The following KIF20B variants were observed in gnomAD, a reference collection of about 807,000 sequenced individuals.
KIF20B encodes kinesin-like protein KIF20B.
KIF20B carries 188 observed loss-of-function variants against 232.5 expected under a neutral mutation model. The ratio of observed to expected loss-of-function variants is 0.81; its 90% CI spans 0.72 to 0.91. The LOEUF (loss-of-function observed/expected upper bound fraction) is 0.91, where lower values mean the gene tolerates loss of function less well. Among genes scored for constraint, KIF20B ranks in the 40% least tolerant of loss-of-function variants. KIF20B has a pLI of 0.00. For synonymous variants in KIF20B, 712 were observed against 683.0 expected, an observed-to-expected ratio of 1.04 and a Z score of -0.66; for missense variants, 2,154 against 2,055.9, an observed-to-expected ratio of 1.05 and a Z score of -0.92.
Position 89,709,385 on chromosome 10 carries a change from A to G in KIF20B, c.275A>G (p.Lys92Arg), listed in dbSNP as rs756898969. ...HILDSQTVVL[K>R]EPQCILGRLS... ...CTGGATTCACAGACTGTTGTGCTGA[A>G]AGAGCCTCAATGCATCCTTGGTCGG... Residue 92 changes from lysine to arginine, a missense_variant, in exon 4 of 33, where the codon AAA becomes AGA. By Grantham distance (26) the Lys-to-Arg change is conservative. Transcript: ENST00000371728. 1 of 1,613,632 alleles carries G rather than the reference A, an allele frequency of 6.2e-7. No individual in the cohort carries two copies. The highest frequency in any genetic ancestry group is 1.3e-5 in the African/African-American group (1 of 75,042).
In KIF20B at chr10:89,715,187, A is replaced by G; in HGVS notation, c.940+5A>G. 6.5e-7 allele frequency: 1 copy of G among 1,532,320 alleles called. No individual in the cohort carries two copies. Among genetic ancestry groups the G allele is most frequent in the Admixed American group, 1.8e-5 (1 of 55,212 alleles). The allele number at this position is 1,532,320 out of a possible 1,614,324, so 94.9% of individuals were successfully genotyped here. On this transcript the variant is annotated splice_donor_5th_base_variant and intron_variant, in intron 8 of 32. Coordinates refer to ENST00000371728, the MANE Select transcript of KIF20B (RefSeq NM_001284259.2). Reference sequence around the variant, plus strand: ...AGGGCTATTCTTTTATAAAAGGTATACTAATGAATATTTTTATCTTATTGC... The same window carrying G: ...AGGGCTATTCTTTTATAAAAGGTATGCTAATGAATATTTTTATCTTATTGC...
At chr10:89,757,952 G>T (rs1029097061) in intron 26 of KIF20B, among the ~76,000 whole-genome samples, 1 of 151,088 alleles carries the variant, frequency 6.6e-6, no homozygotes. Flanking sequence ...TTTGTAGATC[G>T]TCTCTTCTGT....
intron 31 of KIF20B, among the ~76,000 whole-genome samples, chr10:89,771,852 A>T (rs1842470060): frequency 6.6e-6 from 1 of 151,930 alleles, no homozygotes; most frequent in Non-Finnish European, 1.5e-5. Context: ...GGTGGGTAGG[A>T]GCTGGTGCTT....
intron 23 of KIF20B, among the ~76,000 whole-genome samples, chr10:89,746,815 G>C (rs1321708463): frequency 7.8e-6 from 1 of 128,740 alleles, no homozygotes; most frequent in Non-Finnish European, 1.6e-5. Context: ...AAATTCTGAA[G>C]GGAAGTGAGG....
intron 18 of KIF20B, among the ~76,000 whole-genome samples, chr10:89,729,677 GTTTA>G (rs1843275937): frequency 1.3e-5 from 2 of 152,082 alleles, no homozygotes; most frequent in Admixed American, 1.3e-4. Context: ...TGTTGCTATT[GTTTA>G]TATGCTTAAT....
At position 89,768,301 on chromosome 10, in the gene KIF20B, A is replaced by G; in HGVS notation, c.5001A>G (p.Lys1667=). The change falls in exon 30 of 33, where the codon AAA becomes AAG. Residue 1667 remains lysine, a synonymous_variant. Transcript: ENST00000371728. The part of the protein sequence containing the change: ...KSNEMEEDLV[K]CENKKNATPR... ...TTCATTATTTTTAGGACTTGGTGAA[A>G]TGTGAAAATAAGAAGAATGCTACAC... The G allele has an allele frequency of 6.4e-7, 1 of 1,554,126 alleles. No individual in the cohort carries two copies. The highest frequency in any genetic ancestry group is 8.8e-7 in the Non-Finnish European group (1 of 1,139,786).
chr10:89,744,321 G>A (rs150783809), intron 22 of KIF20B, among the ~76,000 whole-genome samples: 1 of 151,948 alleles, frequency 6.6e-6, no homozygotes, highest in Admixed American at 6.6e-5. Flanking sequence ...GACTCTTCAC[G>A]AAAAAACATT....
At chr10:89,729,516 C>T (rs75064392) in intron 18 of KIF20B, among the ~76,000 whole-genome samples, 3,681 of 152,234 alleles carry the variant, frequency 0.024, 143 homozygotes, top group African/African-American at 0.084. Context: ...AGCCTTTGGA[C>T]GTTTAAGCCT....
chr10:89,757,040 G>GTGTGTGTATA lies in KIF20B; in HGVS notation c.4504-1665_4504-1664insGTGTGTATAT, dbSNP rs1301847520. Among the ~76,000 whole-genome samples, 311 of 110,714 alleles carry GTGTGTGTATA rather than the reference G, an allele frequency of 2.8e-3. 2 individuals carry two copies. Among genetic ancestry groups the GTGTGTGTATA allele is most frequent in the African/African-American group, 7.6e-3 (228 of 29,918 alleles). The allele number at this position is 110,714 out of a possible 152,430, so 72.6% of individuals were successfully genotyped here. A position where few individuals can be genotyped will look rare whatever the true frequency, so the allele number is the denominator to read the frequency against. On this transcript the variant is annotated intron_variant, in intron 26 of 32. Transcript: ENST00000371728. ...ATCTCTGTTGTGTGTGTGTGTGTGTGTATATATATATATATATATATATAT... is the reference window on the plus strand; with the variant it reads ...ATCTCTGTTGTGTGTGTGTGTGTGTGTGTGTGTATATATATATATATATATATATATATAT...
At position 89,705,437 on chromosome 10, in the gene KIF20B, C is replaced by A. The variant is rs1842702774; in HGVS notation, c.143C>A (p.Thr48Asn). ...GAATTTTCCTTAGTTGCTCCAAATA[C>A]TGAGGTAAGTACAAGAAAAGTATTG... is the stretch of plus-strand genomic sequence containing the variant. ...SHEFSLVAPNTEANSFESKDY... is the reference protein window; with the variant it reads ...SHEFSLVAPNNEANSFESKDY... Residue 48 changes from threonine (T) to asparagine (N), a missense_variant, in exon 2 of 33, where the codon ACT (threonine) becomes AAT (asparagine). Thr to Asn is a moderately conservative substitution (Grantham distance 65). Transcript: ENST00000371728. 1 of 1,613,606 alleles carries A rather than the reference C, an allele frequency of 6.2e-7. No homozygotes were observed. The highest frequency in any genetic ancestry group is 1.7e-5 in the Admixed American group (1 of 59,972).
chr10:89,750,735 A>G (rs1258499344), intron 23 of KIF20B, among the ~76,000 whole-genome samples: 2 of 152,168 alleles, frequency 1.3e-5, no homozygotes, highest in African/African-American at 4.8e-5. Flanking sequence ...TGCTGTAGTC[A>G]TTCTTCAAGG....
intron 23 of KIF20B, 118 bp from the exon 24 acceptor site, chr10:89,751,228 A>G: frequency 1.3e-6 from 1 of 783,510 alleles, no homozygotes; most frequent in South Asian, 1.9e-5. Flanking sequence ...GTTTCTGTCT[A>G]TATGGAACTA....
rs1397005058 is a variant in KIF20B, at chr10:89,711,030, T to C, written c.560T>C (p.Leu187Pro). 1.2e-6 allele frequency: 2 copies of C among 1,609,984 alleles called. No homozygotes were observed. The highest frequency in any genetic ancestry group is 1.7e-5 in the Admixed American group (1 of 59,332). The change falls in exon 6 of 33, where the codon CTG (leucine) becomes CCG (proline). Residue 187 changes from leucine (L) to proline (P), a missense_variant. Physicochemically the swap from Leu to Pro is moderately conservative, Grantham distance 98 (BLOSUM62 -3). Transcript: ENST00000371728. ...TTATTTGATAGTCTTCAAGAAAGAC[T>C]GTATACAAAGATGAACCTTAAACCA... The part of the protein sequence containing the change: ...NVLFDSLQER[L>P]YTKMNLKPHR...
intron 26 of KIF20B, among the ~76,000 whole-genome samples, chr10:89,755,920 T>A (rs1320515493): frequency 6.6e-6 from 1 of 152,174 alleles, no homozygotes; most frequent in Non-Finnish European, 1.5e-5. Flanking sequence ...TAATTTTCAA[T>A]AAGGTAAGGA....
chr10:89,720,925 G>A (rs1843042252), intron 13 of KIF20B, among the ~76,000 whole-genome samples: 1 of 152,098 alleles, frequency 6.6e-6, no homozygotes, highest in Non-Finnish European at 1.5e-5. Context: ...GGCCAGGCTG[G>A]TCTCGAACTC....
chr10:89,712,599 T>C (rs1196272969), intron 6 of KIF20B, among the ~76,000 whole-genome samples: 1 of 152,170 alleles, frequency 6.6e-6, no homozygotes, highest in African/African-American at 2.4e-5. Flanking sequence ...TTTTATTAAG[T>C]CATCTGTTTT....
intron 21 of KIF20B, among the ~76,000 whole-genome samples, chr10:89,742,276 G>C (rs955256417): frequency 6.6e-6 from 1 of 152,162 alleles, no homozygotes; most frequent in African/African-American, 2.4e-5. Context: ...GATTGATGGT[G>C]TCTGGGTTCA....
At chr10:89,769,527 A>G (rs1842427501) in intron 31 of KIF20B, among the ~76,000 whole-genome samples, 1 of 151,926 alleles carries the variant, frequency 6.6e-6, no homozygotes, top group Non-Finnish European at 1.5e-5. Flanking sequence ...TTCTGTGCAT[A>G]TGTAAACATT....
chr10:89,735,737 A>G (rs954164277), intron 19 of KIF20B, among the ~76,000 whole-genome samples: 1 of 151,710 alleles, frequency 6.6e-6, no homozygotes, highest in African/African-American at 2.4e-5. Context: ...ACAGGGTTTC[A>G]CCATGTTGGC....
Sources: gnomAD v4.1 joint callset for allele counts (sites outside exome capture counted in the v4.1 genomes callset) on GRCh38, gnomAD v4.1.1 for gene constraint, MANE v1.5 for transcripts, NCBI Gene and HGNC (gene_info 2026-07-23, HGNC 2026-07-21) for gene names.